The following DCAF6 variants were observed in gnomAD, a reference collection of about 807,000 sequenced individuals.
DCAF6 encodes the protein DDB1- and CUL4-associated factor 6.
Under a neutral mutation model 125.1 loss-of-function variants are expected in DCAF6, and 54 were observed. The observed-to-expected ratio is 0.43, with a 90% CI of 0.35 to 0.54. The LOEUF (loss-of-function observed/expected upper bound fraction) is 0.54. DCAF6 is among the 20% of genes least tolerant of loss of function. DCAF6 has a pLI of 0.01. For synonymous variants in DCAF6, 371 were observed against 390.4 expected (o/e 0.95, Z 0.58); for missense variants, 934 against 1,161.7 (o/e 0.80, Z 2.85).
chr1:167,947,888 G>C (rs1025478927), intron 1 of DCAF6, among the ~76,000 whole-genome samples: 6 of 152,100 alleles, frequency 3.9e-5, no homozygotes, highest in Non-Finnish European at 7.4e-5. Context: ...AAGTTCATTT[G>C]GTCTAAAGTC....
At chr1:167,889,815 T>C in the DCAF6 span, among the ~76,000 whole-genome samples, 1 of 152,384 alleles carries the variant, frequency 6.6e-6, no homozygotes, top group Admixed American at 6.5e-5. Context: ...TTCCAATTTA[T>C]TGGCATATAA....
chr1:168,017,887 A>C (rs570270912), intron 11 of DCAF6, among the ~76,000 whole-genome samples: 2 of 152,270 alleles, frequency 1.3e-5, no homozygotes, highest in African/African-American at 4.8e-5. Flanking sequence ...TAGAGTATCA[A>C]TTAGTGGTGA....
At chr1:167,925,442 CATATAT>C in the DCAF6 span, among the ~76,000 whole-genome samples, 1,156 of 82,482 alleles carry the variant, frequency 0.014, 15 homozygotes, top group Admixed American at 0.033. Context: ...TACATATACA[CATATAT>C]ATATATATAT....
the DCAF6 span, among the ~76,000 whole-genome samples, chr1:167,910,848 C>T: frequency 6.6e-6 from 1 of 152,140 alleles, no homozygotes; most frequent in Non-Finnish European, 1.5e-5. Context: ...AGCTACCAAG[C>T]TTGTAAGATT....
intron 16 of DCAF6, among the ~76,000 whole-genome samples, chr1:168,046,469 GTTTC>G (rs1309234088): frequency 6.6e-6 from 1 of 152,094 alleles, no homozygotes; most frequent in Non-Finnish European, 1.5e-5. Context: ...GAAAGGGTAT[GTTTC>G]TTTCTTTAGT....
the DCAF6 span, among the ~76,000 whole-genome samples, chr1:167,873,630 C>A: frequency 6.6e-6 from 1 of 152,220 alleles, no homozygotes; most frequent in African/African-American, 2.4e-5. Context: ...AGGTCTACTC[C>A]CCTGTCTAAT....
At chr1:167,932,607 G>A (rs1026522289), upstream of DCAF6, among the ~76,000 whole-genome samples, 11 of 152,024 alleles carry the variant, frequency 7.2e-5, no homozygotes, top group Non-Finnish European at 1.6e-4. Flanking sequence ...TCAGGAGTTT[G>A]AGACCAGCCT....
At chr1:167,952,421 G>T (rs1447027728) in intron 2 of DCAF6, among the ~76,000 whole-genome samples, 7 of 151,980 alleles carry the variant, frequency 4.6e-5, no homozygotes, top group African/African-American at 1.7e-4. Context: ...GGGTTTCACT[G>T]TGTTAGCCAG....
intron 2 of DCAF6, among the ~76,000 whole-genome samples, chr1:167,958,124 A>G (rs1675044627): frequency 6.6e-6 from 1 of 152,044 alleles, no homozygotes. Context: ...GTGTCCTTTA[A>G]TGTACAAAAG....
chr1:167,987,502 C>T lies in DCAF6; in HGVS notation c.446C>T (p.Thr149Ile), dbSNP rs1680180619. ...CHYGTTYEIM[T>I]VPNDPYTFLS... ...TTTTCTTTTCATCTTCAGATTATGACTGTACCCAATGACCCTTACACTTTT... is the reference window on the plus strand; with the variant it reads ...TTTTCTTTTCATCTTCAGATTATGATTGTACCCAATGACCCTTACACTTTT... Residue 149 changes from threonine to isoleucine, a missense_variant, in exon 5 of 22, where the codon ACT becomes ATT. Around this residue, in one of 5 missense-constraint regions of DCAF6, gnomAD observed 309 missense variants for 381.2 expected, o/e 0.81. Transcript: ENST00000367840. 6.5e-7 allele frequency: 1 copy of T among 1,546,586 alleles called. No individual in the cohort carries two copies. Among genetic ancestry groups the T allele is most frequent in the Non-Finnish European group, 8.9e-7 (1 of 1,122,296 alleles).
At chr1:167,967,362 C>T (rs894942042) in intron 3 of DCAF6, among the ~76,000 whole-genome samples, 2 of 152,142 alleles carry the variant, frequency 1.3e-5, no homozygotes, top group African/African-American at 4.8e-5. Flanking sequence ...TTTTCTAACT[C>T]TCAAGTAACT....
the DCAF6 span, chr1:167,880,165 C>T: frequency 6.2e-7 from 1 of 1,613,538 alleles, no homozygotes; most frequent in Non-Finnish European, 8.5e-7. Flanking sequence ...GAAGACAATC[C>T]CACTGGCAAC....
At chr1:168,011,983 A>G (rs1684360299) in intron 10 of DCAF6, among the ~76,000 whole-genome samples, 1 of 152,074 alleles carries the variant, frequency 6.6e-6, no homozygotes, top group South Asian at 2.1e-4. Context: ...AGAAAAAAGA[A>G]AGAAAGAAAG....
At chr1:167,969,712 CT>C (rs1677006917) in intron 3 of DCAF6, among the ~76,000 whole-genome samples, 1 of 152,160 alleles carries the variant, frequency 6.6e-6, no homozygotes, top group Non-Finnish European at 1.5e-5. Context: ...GCAAAAAAAG[CT>C]TGATGTTTTC....
At chr1:167,964,064 A>C (rs1219030173) in intron 2 of DCAF6, among the ~76,000 whole-genome samples, 1 of 152,234 alleles carries the variant, frequency 6.6e-6, no homozygotes, top group Non-Finnish European at 1.5e-5. Context: ...TGAACAATAA[A>C]ATAATTTGTT....
chr1:167,963,178 C>T (rs1332823998), intron 2 of DCAF6, among the ~76,000 whole-genome samples: 3 of 151,776 alleles, frequency 2.0e-5, no homozygotes, highest in Non-Finnish European at 2.9e-5. Flanking sequence ...GCGGGAGAAT[C>T]GCTTGAACTC....
intron 16 of DCAF6, among the ~76,000 whole-genome samples, chr1:168,047,217 A>G (rs1169355492): frequency 6.6e-6 from 1 of 152,022 alleles, no homozygotes; most frequent in Non-Finnish European, 1.5e-5. Context: ...TACTTAGATG[A>G]TTTATATGTT....
At chr1:167,869,825 G>A in the DCAF6 span, among the ~76,000 whole-genome samples, 37 of 151,994 alleles carry the variant, frequency 2.4e-4, no homozygotes, top group Non-Finnish European at 3.7e-4. Context: ...CTAGCCTGCC[G>A]ATTCTCCCAG....
At chr1:167,978,452 A>G (rs1419898794) in intron 4 of DCAF6, among the ~76,000 whole-genome samples, 1 of 152,166 alleles carries the variant, frequency 6.6e-6, no homozygotes, top group Admixed American at 6.5e-5. Flanking sequence ...CTGTGCTGAT[A>G]CTACTGAGGT....
Sources: gnomAD v4.1 joint callset for allele counts (sites outside exome capture counted in the v4.1 genomes callset) on GRCh38, gnomAD v4.1.1 for gene constraint, gnomAD v4.1.1 regional missense constraint, MANE v1.5 for transcripts, NCBI Gene and HGNC (gene_info 2026-07-23, HGNC 2026-07-21) for gene names.